IRF7: variants seen among roughly 807,000 people sequenced by gnomAD.
IRF7 encodes the protein interferon regulatory factor-7H.
A neutral mutation model predicts 51.3 loss-of-function variants in IRF7; 67 were observed. The observed-to-expected ratio is 1.31, with a 90% CI of 1.07 to 1.60. The LOEUF (loss-of-function observed/expected upper bound fraction) is 1.60, where lower values mean the gene tolerates loss of function less well. IRF7 is among the 40% of genes most tolerant of loss of function. The probability of loss-of-function intolerance (pLI) is 0.00; values close to 1 mark genes in which losing one functional copy is unlikely to be tolerated. For synonymous variants in IRF7, 427 were observed against 301.3 expected (o/e 1.42, Z -4.32); for missense variants, 873 against 701.5 (o/e 1.24, Z -2.76).
chr11:612,641 G>T lies in IRF7; in HGVS notation c.*4C>A. ...GCTTTCTGGAGTTCTCATTAGACTGGGTTCTAGGCGGGCTGCTCCAGCTCC... is the reference window on the plus strand; with the variant it reads ...GCTTTCTGGAGTTCTCATTAGACTGTGTTCTAGGCGGGCTGCTCCAGCTCC... On this transcript the variant is annotated 3_prime_UTR_variant, in exon 11 of 11. Coordinates refer to ENST00000525445, the MANE Select transcript of IRF7 (RefSeq NM_001572.5). 6.2e-7 allele frequency: 1 copy of T among 1,612,530 alleles called. No individual in the cohort carries two copies. The highest frequency in any genetic ancestry group is 1.1e-5 in the South Asian group (1 of 91,082).
rs971448511 is a variant in IRF7, at chr11:613,351, TGGCCCCCGAAGCTCCAGGTGCAACCCAGG to T, written c.1063_1091del (p.Pro355ThrfsTer37). ...TGCCCATGCGCCGGGCCCACAGCTG[TGGCCCCCGAAGCTCCAGGTGCAACCCAGG>T]GGCCACGTGCCGCAGCAGTTCCTCC... On this transcript the variant is annotated frameshift_variant, in exon 9 of 11. Transcript: ENST00000525445. LOFTEE classifies it high-confidence loss of function. The T allele has an allele frequency of 6.2e-7, 1 of 1,611,350 alleles. No individual in the cohort carries two copies. The highest frequency in any genetic ancestry group is 1.3e-5 in the African/African-American group (1 of 74,982).
Position 615,019 on chromosome 11 carries a change from G to C in IRF7, c.184-12C>G. 6.5e-7 allele frequency: 1 copy of C among 1,546,764 alleles called. No homozygotes were observed. The highest frequency in any genetic ancestry group is 8.7e-7 in the Non-Finnish European group (1 of 1,151,574). The stretch of plus-strand genomic sequence containing the variant: ...GCCACAGCCCAGGCCTGAAGAGGGG[G>C]ACAGAACACGTGTGCCGGGCCCGCG... On this transcript the variant is annotated splice_polypyrimidine_tract_variant and intron_variant, in intron 3 of 10. Coordinates refer to ENST00000525445, the MANE Select transcript of IRF7 (RefSeq NM_001572.5).
chr11:614,529 G>C lies in IRF7; in HGVS notation c.400C>G (p.Pro134Ala), dbSNP rs1329963670. 3.2e-6 allele frequency: 5 copies of C among 1,553,416 alleles called. No individual in the cohort carries two copies. Among genetic ancestry groups the C allele is most frequent in the Non-Finnish European group, 4.4e-6 (5 of 1,148,212 alleles). The stretch of plus-strand genomic sequence containing the variant: ...TCTGCCTCAGTCTGGTCCGTGCCTG[G>C]GCCTTCTGAGAGAGAATGGGGCAGG... ...LSRELCWREG[P>A]GTDQTEAEAP... is the part of the protein sequence containing the mutation. Residue 134 changes from proline to alanine, a missense_variant, in exon 5 of 11, where the codon CCA (proline) becomes GCA (alanine). Pro to Ala is a conservative substitution (Grantham distance 27). Transcript: ENST00000525445.
chr11:614,245 G>A lies in IRF7; in HGVS notation c.608C>T (p.Ala203Val), dbSNP rs941489467. The A allele has an allele frequency of 3.1e-6, 5 of 1,612,870 alleles. No homozygotes were observed. The highest frequency in any genetic ancestry group is 1.6e-4 in the Middle Eastern group (1 of 6,062). ...AGGAGCCTTGGTTGGGACTGGATCTGCCCCCCATGACGCTGTCAGCAGATG... is the reference window on the plus strand; with the variant it reads ...AGGAGCCTTGGTTGGGACTGGATCTACCCCCCATGACGCTGTCAGCAGATG... ...ADHLLTASWG[A>V]DPVPTKAPGE... The change falls in exon 6 of 11, where the codon GCA becomes GTA. Residue 203 changes from alanine (A) to valine (V), a missense_variant. Physicochemically the swap from Ala to Val is moderately conservative, Grantham distance 64. Coordinates refer to ENST00000525445, the MANE Select transcript of IRF7 (RefSeq NM_001572.5).
In IRF7 at chr11:612,759, C is replaced by T; in HGVS notation, c.1398G>A (p.Gln466=). The T allele has an allele frequency of 6.2e-7, 1 of 1,612,224 alleles. No individual in the cohort carries two copies. Among genetic ancestry groups the T allele is most frequent in the Non-Finnish European group, 8.5e-7 (1 of 1,179,988 alleles). The change falls in exon 11 of 11, where the codon CAG becomes CAA. Residue 466 remains glutamine (Q), a synonymous_variant. Transcript: ENST00000525445. ...WLCRVHLEGT[Q]REGVSSLDSS... ...TATCCAGGGAAGACACACCCTCACG[C>T]TGCGTGCCCTCTAGGTGCACTCGGC...
rs1043278105 is a variant in IRF7, at chr11:615,659, G to A, written c.-283-12C>T. 8.3e-5 allele frequency: 33 copies of A among 399,962 alleles called. No individual in the cohort carries two copies. The highest frequency in any genetic ancestry group is 4.7e-4 in the East Asian group (13 of 27,638). The allele number at this position is 399,962 out of a possible 1,614,324, so 24.8% of individuals were successfully genotyped here. ...GCGCAGGCCGGACCCTGCGGAGACG[G>A]GAAAGGCGACGTCAGGGGCGGGTCA... On this transcript the variant is annotated splice_polypyrimidine_tract_variant and intron_variant, in intron 1 of 10. Coordinates refer to ENST00000525445, the MANE Select transcript of IRF7 (RefSeq NM_001572.5).
rs1178686150 is a variant in IRF7, at chr11:613,486, T to A, written c.957A>T (p.Pro319=). Residue 319 remains proline (P), a synonymous_variant, in exon 9 of 11, where the codon CCA becomes CCT. Transcript: ENST00000525445. ...GCTGGGGGTCTGTGGCCCGGACAGC[T>A]GGGTCTGGGGGGCCGTATAGGAACG... ...SCTFLYGPPD[P]AVRATDPQQV... is the part of the protein sequence containing the mutation. 2 of 1,542,206 alleles carry A rather than the reference T, an allele frequency of 1.3e-6. No homozygotes were observed. The highest frequency in any genetic ancestry group is 8.7e-7 in the Non-Finnish European group (1 of 1,145,918).
Position 612,974 on chromosome 11 carries a change from C to T in IRF7, c.1356+25G>A, listed in dbSNP as rs1343999829. On this transcript the variant is annotated intron_variant, in intron 10 of 10. Transcript: ENST00000525445. ...GTCAGTGGGCCTGAGCACATGGCCTCCCCTCCTTGAGGCTCTGGTCTCACC... is the reference window on the plus strand; with the variant it reads ...GTCAGTGGGCCTGAGCACATGGCCTTCCCTCCTTGAGGCTCTGGTCTCACC... The T allele has an allele frequency of 5.6e-6, 9 of 1,609,304 alleles. No homozygotes were observed. The East Asian group carries it at 1.8e-4, about 32-fold the overall frequency.
Position 613,459 on chromosome 11 carries a change from C to G in IRF7, c.984G>C (p.Gln328His), listed in dbSNP as rs1251519354. The change falls in exon 9 of 11, where the codon CAG becomes CAC. Residue 328 changes from glutamine to histidine, a missense_variant. Physicochemically the swap from Gln to His is conservative, Grantham distance 24. Coordinates refer to ENST00000525445, the MANE Select transcript of IRF7 (RefSeq NM_001572.5). Reference protein sequence around the residue: ...DPAVRATDPQQVAFPSPAELP... With the variant: ...DPAVRATDPQHVAFPSPAELP... ...GCTCGGCAGGGCTGGGGAATGCTACCTGCTGGGGGTCTGTGGCCCGGACAG... is the reference window on the plus strand; with the variant it reads ...GCTCGGCAGGGCTGGGGAATGCTACGTGCTGGGGGTCTGTGGCCCGGACAG... 11 of 1,548,990 alleles carry G rather than the reference C, an allele frequency of 7.1e-6. No homozygotes were observed. Among genetic ancestry groups the G allele is most frequent in the Non-Finnish European group, 7.8e-6 (9 of 1,148,434 alleles).
intron 8 of IRF7, 21 bp downstream of exon 8, chr11:613,764 C>T (rs764007840): frequency 5.3e-6 from 8 of 1,522,644 alleles, no homozygotes; most frequent in Middle Eastern, 4.1e-4. Context: ...GACAGGCTGC[C>T]CCTTCCTGGG....
At chr11:612,914 C>T (rs1338482252) in intron 10 of IRF7, 85 bp downstream of exon 10, 2 of 1,584,802 alleles carry the variant, frequency 1.3e-6, no homozygotes, top group East Asian at 2.2e-5. Flanking sequence ...GGCCTCCCCT[C>T]CCCCTCTCCG....
chr11:615,249 G>A lies in IRF7; in HGVS notation c.31C>T (p.Arg11Cys). Reference protein sequence around the residue: MALAPERAAPRVLFGEWLLGE... With the variant: MALAPERAAPCVLFGEWLLGE... ...AGGAGCCACTCTCCGAACAGCACGCGTGGGGCTGCCCTGCGGGTGCCCGGC... is the reference window on the plus strand; with the variant it reads ...AGGAGCCACTCTCCGAACAGCACGCATGGGGCTGCCCTGCGGGTGCCCGGC... The change falls in exon 3 of 11, where the codon CGC becomes TGC. Residue 11 changes from arginine (R) to cysteine (C), a missense_variant. Arg to Cys is a radical substitution (Grantham distance 180, BLOSUM62 -3). Transcript: ENST00000525445. 1.3e-6 allele frequency: 2 copies of A among 1,583,410 alleles called. No homozygotes were observed. The highest frequency in any genetic ancestry group is 1.7e-6 in the Non-Finnish European group (2 of 1,169,854).
intron 4 of IRF7, 66 bp downstream of exon 4, chr11:614,731 C>G: frequency 6.8e-7 from 1 of 1,479,540 alleles, no homozygotes; most frequent in Non-Finnish European, 9.0e-7. Context: ...AAATCTGACC[C>G]AGAGAATGTT....
In IRF7 at chr11:613,656, G is replaced by A. The variant is rs1856593234; in HGVS notation, c.848-61C>T. The A allele has an allele frequency of 1.2e-5, 11 of 885,778 alleles. No homozygotes were observed. The East Asian group carries it at 3.2e-4, about 25-fold the overall frequency. 54.9% of individuals were successfully genotyped at this position (885,778 alleles called of 1,614,324 possible). A position where few individuals can be genotyped will look rare whatever the true frequency, so the allele number is the denominator to read the frequency against. On this transcript the variant is annotated intron_variant, in intron 8 of 10. Transcript: ENST00000525445. ...GCGGGGACAGGCTGTGAGTGACGGG[G>A]GTGGGCGGGGACAGGATGTGAGTGA...
chr11:614,858 G>A lies in IRF7; in HGVS notation c.333C>T (p.Asn111=), dbSNP rs377666491. 2 of 1,572,254 alleles carry A rather than the reference G, an allele frequency of 1.3e-6. No homozygotes were observed. The highest frequency in any genetic ancestry group is 1.8e-5 in the Admixed American group (1 of 54,918). The change falls in exon 4 of 11, where the codon AAC becomes AAT. Residue 111 remains asparagine (N), a synonymous_variant. Transcript: ENST00000525445. The part of the protein sequence containing the change: ...STRRFVMLRD[N]SGDPADPHKV... The stretch of plus-strand genomic sequence containing the variant: ...TGTGCGGGTCGGCCGGGTCCCCCGA[G>A]TTATCCCGCAGCATCACGAAGCGAC...
At chr11:615,294 C>CT in intron 2 of IRF7, 35 bp from the exon 3 acceptor site, 1 of 1,573,620 alleles carries the variant, frequency 6.4e-7, no homozygotes. Context: ...TCAGGGCCGG[C>CT]TGCAGGGCGC....
chr11:612,824 G>C (rs907316372), intron 10 of IRF7, 24 bp from the exon 11 acceptor site: 1 of 1,584,964 alleles, frequency 6.3e-7, no homozygotes, highest in Admixed American at 1.7e-5. Context: ...TCGGGCGTCT[G>C]TCAGTGACCC....
rs1339761178 is a variant in IRF7, at chr11:613,402, C to T, written c.1041G>A (p.Glu347=). 3 of 1,592,456 alleles carry T rather than the reference C, an allele frequency of 1.9e-6. No individual in the cohort carries two copies. Among genetic ancestry groups the T allele is most frequent in the African/African-American group, 1.3e-5 (1 of 74,150 alleles). ...CAGGGGCCACGTGCCGCAGCAGTTC[C>T]TCCGTGTAGCGCAGCTGCTTCTGGT... ...LPDQKQLRYT[E]ELLRHVAPGL... Residue 347 remains glutamate (E), a synonymous_variant, in exon 9 of 11, where the codon GAG becomes GAA. Coordinates refer to ENST00000525445, the MANE Select transcript of IRF7 (RefSeq NM_001572.5).
chr11:613,666 G>A (rs1589919133), intron 8 of IRF7, 71 bp from the exon 9 acceptor site: 2 of 455,764 alleles, frequency 4.4e-6, no homozygotes, highest in Non-Finnish European at 6.4e-6. Flanking sequence ...GGTGGGCGGG[G>A]ACAGGATGTG....
Sources: allele counts gnomAD v4.1 joint callset, GRCh38; gene constraint gnomAD v4.1.1; transcripts MANE v1.5; gene names NCBI Gene and HGNC (gene_info 2026-07-23, HGNC 2026-07-21).